Variants in NPAS3 observed in about 807,000 individuals in gnomAD.
The protein encoded by NPAS3 is neuronal PAS domain-containing protein 3.
NPAS3 carries 14 observed loss-of-function variants against 73.1 expected under a neutral mutation model. That is an observed-to-expected ratio of 0.19 (90% CI 0.13 to 0.30). NPAS3 has a LOEUF of 0.30. Ranked by LOEUF, NPAS3 falls within the 10% of genes least tolerant of loss-of-function variation. NPAS3 has a pLI of 1.00. For synonymous variants in NPAS3, 620 were observed against 541.5 expected (o/e 1.14, Z -2.01); for missense variants, 1,096 against 1,250.0 (o/e 0.88, Z 1.86).
intron 2 of NPAS3, among the ~76,000 whole-genome samples, chr14:33,208,819 C>T (rs369951187): frequency 6.6e-6 from 1 of 152,166 alleles, no homozygotes; most frequent in South Asian, 2.1e-4. Context: ...TCCAAACAAC[C>T]ATTACAACTG....
intron 2 of NPAS3, among the ~76,000 whole-genome samples, chr14:33,078,349 G>T (rs2041742790): frequency 6.6e-6 from 1 of 152,008 alleles, no homozygotes; most frequent in African/African-American, 2.4e-5. Flanking sequence ...AAATAAAATG[G>T]AAGAAGCTCC....
At chr14:33,674,524 G>C (rs2059701615) in intron 5 of NPAS3, among the ~76,000 whole-genome samples, 1 of 152,158 alleles carries the variant, frequency 6.6e-6, no homozygotes, top group Non-Finnish European at 1.5e-5. Flanking sequence ...GAAGTGCTTA[G>C]AGGCAAGGCG....
intron 6 of NPAS3, among the ~76,000 whole-genome samples, chr14:33,704,953 G>T (rs1016165169): frequency 6.6e-6 from 1 of 152,160 alleles, no homozygotes; most frequent in Non-Finnish European, 1.5e-5. Flanking sequence ...GCAGTTTCAG[G>T]CAGGTCGCTC....
chr14:32,946,321 C>T (rs938320213), intron 1 of NPAS3, among the ~76,000 whole-genome samples: 84 of 148,078 alleles, frequency 5.7e-4, no homozygotes, highest in African/African-American at 2.0e-3. Flanking sequence ...TTATTTACTC[C>T]CCCATCCCCC....
At chr14:33,499,421 T>C (rs908419010) in intron 4 of NPAS3, among the ~76,000 whole-genome samples, 6 of 152,020 alleles carry the variant, frequency 3.9e-5, no homozygotes, top group East Asian at 3.9e-4. Flanking sequence ...AGATCCCTAT[T>C]TTCCCACAGT....
intron 1 of NPAS3, among the ~76,000 whole-genome samples, chr14:32,947,926 C>T (rs996309830): frequency 3.3e-5 from 5 of 151,992 alleles, no homozygotes. Flanking sequence ...ATTGCTTATT[C>T]ATAATTTAAC....
At chr14:33,168,117 C>T (rs772588476) in intron 2 of NPAS3, among the ~76,000 whole-genome samples, 7 of 152,240 alleles carry the variant, frequency 4.6e-5, no homozygotes, top group South Asian at 2.1e-4. Context: ...AGCGTAGCTA[C>T]GGAAGAGCCC....
chr14:33,521,012 A>G (rs2053531196), intron 4 of NPAS3, among the ~76,000 whole-genome samples: 1 of 152,136 alleles, frequency 6.6e-6, no homozygotes. Flanking sequence ...GATAAATTTT[A>G]GGGTAGAATT....
chr14:33,181,241 T>C (rs984737119), intron 2 of NPAS3, among the ~76,000 whole-genome samples: 2 of 152,152 alleles, frequency 1.3e-5, no homozygotes, highest in African/African-American at 4.8e-5. Flanking sequence ...TGTGCAGTTG[T>C]GTATATTTGT....
intron 11 of NPAS3, among the ~76,000 whole-genome samples, chr14:33,798,357 G>A (rs2138668536): frequency 6.6e-6 from 1 of 152,278 alleles, no homozygotes; most frequent in East Asian, 1.9e-4. Context: ...AGGCCAGGGA[G>A]CACTAAACTT....
chr14:33,153,546 C>G (rs1040730084), intron 2 of NPAS3, among the ~76,000 whole-genome samples: 1 of 151,956 alleles, frequency 6.6e-6, no homozygotes, highest in African/African-American at 2.4e-5. Flanking sequence ...CGTTTGGGGT[C>G]CATAACCATT....
intron 2 of NPAS3, among the ~76,000 whole-genome samples, chr14:33,071,823 C>T (rs969239419): frequency 3.3e-5 from 5 of 152,170 alleles, no homozygotes; most frequent in African/African-American, 1.2e-4. Flanking sequence ...ACAAAGTAGT[C>T]ATGCTAGTTA....
At chr14:33,021,714 C>G (rs1307177472) in intron 1 of NPAS3, among the ~76,000 whole-genome samples, 3 of 152,122 alleles carry the variant, frequency 2.0e-5, no homozygotes, top group Non-Finnish European at 4.4e-5. Context: ...CCCCTCAGCA[C>G]TTTTGGTCTT....
At chr14:33,431,229 T>G (rs2048770825) in intron 4 of NPAS3, among the ~76,000 whole-genome samples, 1 of 152,206 alleles carries the variant, frequency 6.6e-6, no homozygotes, top group South Asian at 2.1e-4. Context: ...TTCTACCACA[T>G]CTGGCTTTTC....
At chr14:33,194,850 T>C (rs1309186091) in intron 2 of NPAS3, among the ~76,000 whole-genome samples, 3 of 152,156 alleles carry the variant, frequency 2.0e-5, no homozygotes, top group African/African-American at 4.8e-5. Context: ...TTCTGGTCAG[T>C]TGGAGGCTGA....
chr14:33,716,838 T>C (rs986133210), intron 6 of NPAS3, among the ~76,000 whole-genome samples: 3 of 152,174 alleles, frequency 2.0e-5, no homozygotes, highest in Non-Finnish European at 2.9e-5. Flanking sequence ...TCATTTTCTC[T>C]GTCCTCCTAT....
intron 5 of NPAS3, among the ~76,000 whole-genome samples, chr14:33,567,291 CTT>C (rs1233488989): frequency 6.6e-6 from 1 of 152,242 alleles, no homozygotes; most frequent in Non-Finnish European, 1.5e-5. Context: ...ACAAGACGTG[CTT>C]CCTTGCTTTT....
chr14:33,223,944 A>C lies in NPAS3; in HGVS notation c.385+8518A>C, dbSNP rs531593993. Among the ~76,000 whole-genome samples, 5 of 152,326 alleles carry C rather than the reference A, an allele frequency of 3.3e-5. 1 individual carries two copies. In the South Asian group the frequency reaches 1.0e-3, roughly 32 times the overall value. ...CACATAATGAAGTTTTAAAGAAATC[A>C]AGTACAAAATATATGATAAAGATAA... On this transcript the variant is annotated intron_variant, in intron 3 of 11. Transcript: ENST00000356141.
At chr14:33,053,581 G>C (rs928097074) in intron 1 of NPAS3, among the ~76,000 whole-genome samples, 1 of 152,210 alleles carries the variant, frequency 6.6e-6, no homozygotes, top group African/African-American at 2.4e-5. Flanking sequence ...CAGGTGGAGA[G>C]AATGAACTCA....
Sources: gnomAD v4.1 joint callset for allele counts (sites outside exome capture counted in the v4.1 genomes callset) on GRCh38, gnomAD v4.1.1 for gene constraint, MANE v1.5 for transcripts, NCBI Gene and HGNC (gene_info 2026-07-23, HGNC 2026-07-21) for gene names.